Variants in TTC7B observed in about 807,000 individuals in gnomAD.
The protein encoded by TTC7B is tetratricopeptide repeat protein 7B.
TTC7B carries 28 observed loss-of-function variants against 106.8 expected under a neutral mutation model. The observed-to-expected ratio is 0.26, with a 90% CI of 0.19 to 0.36. The LOEUF is 0.36. Among genes scored for constraint, TTC7B ranks in the 10% least tolerant of loss-of-function variants. TTC7B has a pLI of 1.00. For synonymous variants in TTC7B, 405 were observed against 430.6 expected, an observed-to-expected ratio of 0.94 and a Z score of 0.74; for missense variants, 862 against 1,076.4, an observed-to-expected ratio of 0.80 and a Z score of 2.79.
At chr14:90,814,840 C>A (rs547615215) in intron 1 of TTC7B, among the ~76,000 whole-genome samples, 1 of 152,314 alleles carries the variant, frequency 6.6e-6, no homozygotes, top group African/African-American at 2.4e-5. Context: ...ACATTTTCCA[C>A]CAAGTGGAGC....
intron 1 of TTC7B, among the ~76,000 whole-genome samples, chr14:90,811,409 ACT>A (rs2030894705): frequency 6.6e-6 from 1 of 152,030 alleles, no homozygotes; most frequent in African/African-American, 2.4e-5. Context: ...CACAGCAGTG[ACT>A]CTCAGTTAAA....
intron 3 of TTC7B, among the ~76,000 whole-genome samples, chr14:90,750,759 T>C (rs773636635): frequency 2.0e-5 from 3 of 152,246 alleles, no homozygotes; most frequent in Non-Finnish European, 4.4e-5. Flanking sequence ...ATTGTTCCTT[T>C]CCCTCTCCCA....
chr14:90,745,735 C>T (rs375190247), intron 3 of TTC7B, among the ~76,000 whole-genome samples: 5 of 147,704 alleles, frequency 3.4e-5, no homozygotes. Flanking sequence ...GATGTAGTCT[C>T]GCTCTGTCAC....
intron 5 of TTC7B, among the ~76,000 whole-genome samples, chr14:90,726,615 G>T (rs759414736): frequency 5.9e-5 from 9 of 152,162 alleles, no homozygotes; most frequent in Non-Finnish European, 1.3e-4. Context: ...CCTCACTACT[G>T]CTCTCCGAGG....
At chr14:90,754,645 T>C (rs2140010359) in intron 3 of TTC7B, among the ~76,000 whole-genome samples, 1 of 152,278 alleles carries the variant, frequency 6.6e-6, no homozygotes, top group East Asian at 1.9e-4. Flanking sequence ...TCGGTGGTTT[T>C]AGTATGTTCA....
chr14:90,589,004 A>G (rs1326735843), intron 18 of TTC7B, among the ~76,000 whole-genome samples: 4 of 152,122 alleles, frequency 2.6e-5, no homozygotes, highest in Non-Finnish European at 4.4e-5. Flanking sequence ...CTCAGTATCT[A>G]AGAAGATAAA....
rs372915985 is a variant in TTC7B, at chr14:90,731,031, C to T, written c.577-835G>A. ...CACAATCTCAGCTCACTGCACGCTC[C>T]GCCTCCCGGGTTCACGCCATTCTCC... On this transcript the variant is annotated intron_variant, in intron 4 of 19. Coordinates refer to ENST00000328459, the MANE Select transcript of TTC7B (RefSeq NM_001010854.2). Among the ~76,000 whole-genome samples, 11 of 152,244 alleles carry T rather than the reference C, an allele frequency of 7.2e-5. No homozygotes were observed. In the East Asian group the frequency reaches 1.2e-3, roughly 16 times the overall value.
At chr14:90,677,035 T>C (rs1886870693) in intron 8 of TTC7B, among the ~76,000 whole-genome samples, 1 of 152,230 alleles carries the variant, frequency 6.6e-6, no homozygotes, top group Admixed American at 6.5e-5. Flanking sequence ...GAGGCCCTGC[T>C]GCACCTCACT....
chr14:90,751,173 A>G (rs1304285787), intron 3 of TTC7B, among the ~76,000 whole-genome samples: 1 of 152,230 alleles, frequency 6.6e-6, no homozygotes, highest in Non-Finnish European at 1.5e-5. Context: ...AATAAGATCT[A>G]CATCTCCAAA....
At position 90,721,226 on chromosome 14, in the gene TTC7B, A is replaced by G. The variant is rs55709503; in HGVS notation, c.698+8849T>C. Among the ~76,000 whole-genome samples, 556 of 152,268 alleles carry G rather than the reference A, an allele frequency of 3.7e-3. 4 individuals carry two copies. Among genetic ancestry groups the G allele is most frequent in the South Asian group, 0.023 (112 of 4,828 alleles). The stretch of plus-strand genomic sequence containing the variant: ...CTGCTGAAACCAAGGAGAGATCAAC[A>G]CAAACGCACCCATCTTGCTGAATGC... On this transcript the variant is annotated intron_variant, in intron 5 of 19. Coordinates refer to ENST00000328459, the MANE Select transcript of TTC7B (RefSeq NM_001010854.2).
At chr14:90,709,292 T>C (rs1277231322) in intron 5 of TTC7B, among the ~76,000 whole-genome samples, 1 of 150,882 alleles carries the variant, frequency 6.6e-6, no homozygotes, top group African/African-American at 2.4e-5. Context: ...AACCCAAATG[T>C]CCAACAATGA....
intron 17 of TTC7B, among the ~76,000 whole-genome samples, chr14:90,594,435 C>T (rs1008348559): frequency 6.6e-6 from 1 of 152,102 alleles, no homozygotes. Flanking sequence ...CTCGGAGGAT[C>T]GGAGACCACC....
At position 90,573,809 on chromosome 14, in the gene TTC7B, G is replaced by A. The variant is rs148380613; in HGVS notation, c.2310+4297C>T. 3.4e-3 allele frequency among the ~76,000 whole-genome samples: 515 copies of A among 152,298 alleles called. 2 individuals are homozygous for A. The Middle Eastern group carries it at 0.034, about 10-fold the overall frequency. On this transcript the variant is annotated intron_variant, in intron 19 of 19. Coordinates refer to ENST00000328459, the MANE Select transcript of TTC7B (RefSeq NM_001010854.2). The stretch of plus-strand genomic sequence containing the variant: ...TCAACCTGTCAAAGGGACTGGAGGC[G>A]GACCCGAGCCTCCTGCTAATATTCT...
rs1462541267 is a variant in TTC7B, at chr14:90,610,853, C to A, written c.1869-14G>T. On this transcript the variant is annotated splice_polypyrimidine_tract_variant and intron_variant, in intron 16 of 19. Transcript: ENST00000328459. The stretch of plus-strand genomic sequence containing the variant: ...CGTCCAGAATCACTGCAAAACACAG[C>A]TACAAATGTCAGTCACCTGCAAGGT... The A allele has an allele frequency of 6.3e-7, 1 of 1,598,266 alleles. No homozygotes were observed. The highest frequency in any genetic ancestry group is 8.6e-7 in the Non-Finnish European group (1 of 1,165,594).
At chr14:90,604,065 A>T in intron 17 of TTC7B, among the ~76,000 whole-genome samples, 1 of 152,224 alleles carries the variant, frequency 6.6e-6, no homozygotes. Flanking sequence ...GCCTCCCCTG[A>T]AGAGTCAGGA....
At chr14:90,811,684 T>C (rs748135917) in intron 1 of TTC7B, among the ~76,000 whole-genome samples, 1 of 152,230 alleles carries the variant, frequency 6.6e-6, no homozygotes, top group Non-Finnish European at 1.5e-5. Context: ...TCAGGCACCA[T>C]TTCCCTACCT....
intron 19 of TTC7B, among the ~76,000 whole-genome samples, chr14:90,560,762 G>A (rs1051339878): frequency 3.3e-5 from 5 of 152,208 alleles, no homozygotes; most frequent in Non-Finnish European, 5.9e-5. Flanking sequence ...ATACTTGCTG[G>A]TGGGTGTGTG....
chr14:90,618,055 G>A lies in TTC7B; in HGVS notation c.1752-10C>T, dbSNP rs760457562. On this transcript the variant is annotated splice_polypyrimidine_tract_variant and intron_variant, in intron 15 of 19. Transcript: ENST00000328459. ...TTTGGAAAACAGTAGTCTGCAGTGGGGAGACAAAGGGAGAAAACACCACGG... is the reference window on the plus strand; with the variant it reads ...TTTGGAAAACAGTAGTCTGCAGTGGAGAGACAAAGGGAGAAAACACCACGG... 2 of 1,593,154 alleles carry A rather than the reference G, an allele frequency of 1.3e-6. No homozygotes were observed. Among genetic ancestry groups the A allele is most frequent in the South Asian group, 1.1e-5 (1 of 90,626 alleles).
At position 90,657,066 on chromosome 14, in the gene TTC7B, C is replaced by T. The variant is rs1885977189; in HGVS notation, c.1341+108G>A. Reference sequence around the variant, plus strand: ...GGCTCTACACAGTCTTGTCTTTGTACAGCTGATGAATCACCCTCGCTTTCT... The same window carrying T: ...GGCTCTACACAGTCTTGTCTTTGTATAGCTGATGAATCACCCTCGCTTTCT... On this transcript the variant is annotated intron_variant, in intron 11 of 19. Transcript: ENST00000328459. The surrounding 1 kb of genome is among the most constrained non-coding windows in gnomAD (Gnocchi z 4.2). 2.1e-6 allele frequency: 2 copies of T among 967,794 alleles called. No individual in the cohort carries two copies. The highest frequency in any genetic ancestry group is 2.2e-5 in the Admixed American group (1 of 45,906). 60.0% of individuals were successfully genotyped at this position (967,794 alleles called of 1,614,324 possible).
Sources: allele counts gnomAD v4.1 joint callset (sites outside exome capture counted in the v4.1 genomes callset), GRCh38; gene constraint gnomAD v4.1.1; non-coding constraint Gnocchi (gnomAD v3.1); transcripts MANE v1.5; gene names NCBI Gene and HGNC (gene_info 2026-07-23, HGNC 2026-07-21).